The following HYOU1 variants were observed in gnomAD, a reference collection of about 807,000 sequenced individuals.
HYOU1 encodes hypoxia up-regulated protein 1.
HYOU1 carries 40 observed loss-of-function variants against 120.5 expected under a neutral mutation model. The ratio of observed to expected loss-of-function variants is 0.33; its 90% confidence interval spans 0.26 to 0.43. HYOU1 has a LOEUF of 0.43. Among genes scored for constraint, HYOU1 ranks in the 20% least tolerant of loss-of-function variants. HYOU1 has a pLI of 1.00. For synonymous variants in HYOU1, 501 were observed against 479.4 expected, an observed-to-expected ratio of 1.05 and a Z score of -0.59; for missense variants, 1,085 against 1,278.3, an observed-to-expected ratio of 0.85 and a Z score of 2.31.
rs2133593909 is a variant in HYOU1, at chr11:119,052,591, C to T, written c.987+46G>A. The T allele has an allele frequency of 3.2e-6, 5 of 1,583,122 alleles. No individual in the cohort carries two copies. Among genetic ancestry groups the T allele is most frequent in the Non-Finnish European group, 2.6e-6 (3 of 1,161,740 alleles). ...CAGTTCAGTGGCAGGGTCCCCCACC[C>T]TCTACGTGGGACAAAATATAGCCTC... On this transcript the variant is annotated intron_variant, in intron 9 of 25. Transcript: ENST00000617285. The surrounding 1 kb of genome is among the most constrained non-coding windows in gnomAD (Gnocchi z 5.0).
At position 119,045,356 on chromosome 11, in the gene HYOU1, AG is replaced by A. The variant is rs781945273; in HGVS notation, c.*236del. ...TCCCAAATTTAGGGCCTATATGGGT[AG>A]GGAACAGGGAGTGGGGCTGGGGAGG... On this transcript the variant is annotated 3_prime_UTR_variant, in exon 26 of 26. Coordinates refer to ENST00000617285, the MANE Select transcript of HYOU1 (RefSeq NM_006389.5). The A allele has an allele frequency of 1.5e-5, 10 of 667,898 alleles. No homozygotes were observed. The highest frequency in any genetic ancestry group is 2.2e-5 in the Non-Finnish European group (8 of 364,724). The allele number at this position is 667,898 out of a possible 1,614,324, so 41.4% of individuals were successfully genotyped here. A position where few individuals can be genotyped will look rare whatever the true frequency, so the allele number is the denominator to read the frequency against.
chr11:119,044,719 GAGC>G lies in HYOU1; in HGVS notation c.*871_*873del, dbSNP rs1316110244. 1 of 186,404 alleles carries G rather than the reference GAGC, an allele frequency of 5.4e-6. No homozygotes were observed. The highest frequency in any genetic ancestry group is 1.3e-4 in the East Asian group (1 of 7,982). The allele number at this position is 186,404 out of a possible 1,614,324, so 11.5% of individuals were successfully genotyped here. A position where few individuals can be genotyped will look rare whatever the true frequency, so the allele number is the denominator to read the frequency against. ...GTGAGGGAAAGGCTCTGTCTGGGAG[GAGC>G]AGAACAGCAGAAGAGAGGAGGAGGC... On this transcript the variant is annotated 3_prime_UTR_variant, in exon 26 of 26. Coordinates refer to ENST00000617285, the MANE Select transcript of HYOU1 (RefSeq NM_006389.5).
rs1206141124 is a variant in HYOU1 at position 119,055,384 on chromosome 11, C to T, written c.265-45G>A. ...CAGACTAGTATTAGGCTCCCAAGTC[C>T]ACCATTACCTACCTCTTACATCACA... On this transcript the variant is annotated intron_variant, in intron 4 of 25. Transcript: ENST00000617285. The surrounding 1 kb of genome is among the most constrained non-coding windows in gnomAD (Gnocchi z 4.0). The T allele has an allele frequency of 6.2e-7, 1 of 1,608,338 alleles. No homozygotes were observed. Among genetic ancestry groups the T allele is most frequent in the African/African-American group, 1.3e-5 (1 of 74,690 alleles).
chr11:119,048,820 GCTT>G lies in HYOU1; in HGVS notation c.2056_2058del (p.Lys686del), dbSNP rs2133567555. The G allele has an allele frequency of 2.9e-5, 47 of 1,613,932 alleles. No homozygotes were observed. The highest frequency in any genetic ancestry group is 3.6e-5 in the Non-Finnish European group (42 of 1,180,016). On this transcript the variant is annotated inframe_deletion, in exon 18 of 26. Transcript: ENST00000617285. This position sits in a 1 kb window ranked among gnomAD's most constrained non-coding sequence, Gnocchi z 4.7. ...ATTCGCCGCTTCCTGGCGGGCTTCTGCTTCTTCTCTCCCTCTGGGGCTGGAGCG... is the reference window on the plus strand; with the variant it reads ...ATTCGCCGCTTCCTGGCGGGCTTCTGCTTCTCTCCCTCTGGGGCTGGAGCG...
chr11:119,055,827 C>T lies in HYOU1; in HGVS notation c.108G>A (p.Met36Ile), dbSNP rs151266505. The change falls in exon 3 of 26, where the codon ATG (methionine) becomes ATA (isoleucine). Residue 36 changes from methionine (M) to isoleucine (I), a missense_variant. Physicochemically the swap from Met to Ile is conservative, Grantham distance 10 (BLOSUM62 1). Transcript: ENST00000617285. This position sits in a 1 kb window ranked among gnomAD's most constrained non-coding sequence, Gnocchi z 4.0. Reference protein sequence around the residue: ...LLALSDTLAVMSVDLGSESMK... With the variant: ...LLALSDTLAVISVDLGSESMK... ...TGGACTCACTGCCCAGGTCCACAGA[C>T]ATCACTGCCAGTGTATCTGAAGGGA... is the stretch of plus-strand genomic sequence containing the variant. 2.5e-6 allele frequency: 4 copies of T among 1,614,068 alleles called. No individual in the cohort carries two copies. The highest frequency in any genetic ancestry group is 3.4e-6 in the Non-Finnish European group (4 of 1,179,878).
In HYOU1 at chr11:119,056,130, T is replaced by G. The variant is rs1299881530; in HGVS notation, c.31A>C (p.Arg11=). Residue 11 remains arginine (R), a synonymous_variant, in exon 2 of 26, where the codon AGG becomes CGG. Transcript: ENST00000617285. MADKVRRQRP[R]RRVCWALVAV... is the part of the protein sequence containing the mutation. ...ACCAAGGCCCAACAGACTCGCCTCC[T>G]CGGCCTCTGCCTCCTAACTTTGTCT... The G allele has an allele frequency of 6.8e-6, 11 of 1,613,964 alleles. No individual in the cohort carries two copies. The Admixed American group carries it at 1.8e-4, about 27-fold the overall frequency.
chr11:119,052,227 C>G lies in HYOU1; in HGVS notation c.1123-55G>C. ...AGCATGCAGTTAGCACTGACTCGTC[C>G]CTTGACGTCCCATGGGTTTCCTATG... On this transcript the variant is annotated intron_variant, in intron 10 of 25. Transcript: ENST00000617285. The surrounding 1 kb of genome is among the most constrained non-coding windows in gnomAD (Gnocchi z 5.0). The G allele has an allele frequency of 6.2e-7, 1 of 1,613,848 alleles. No individual in the cohort carries two copies.
Position 119,055,279 on chromosome 11 carries a change from C to T in HYOU1, c.325G>A (p.Asp109Asn), listed in dbSNP as rs1944685198. The part of the protein sequence containing the change: ...YFQHLLGKQA[D>N]NPHVALYQAR... ...TGGTAAAGAGCTACATGGGGGTTAT[C>T]TGCCTGCTTCCCCAGGAGGTGCTGG... The change falls in exon 5 of 26, where the codon GAT (aspartate) becomes AAT (asparagine). Residue 109 changes from aspartate (D) to asparagine (N), a missense_variant. Asp to Asn is a conservative substitution (Grantham distance 23). Coordinates refer to ENST00000617285, the MANE Select transcript of HYOU1 (RefSeq NM_006389.5). This position sits in a 1 kb window ranked among gnomAD's most constrained non-coding sequence, Gnocchi z 4.0. 2 of 1,614,126 alleles carry T rather than the reference C, an allele frequency of 1.2e-6. No homozygotes were observed. The highest frequency in any genetic ancestry group is 1.7e-6 in the Non-Finnish European group (2 of 1,180,000).
In HYOU1 at chr11:119,049,799, T is replaced by G. The variant is rs1159116843; in HGVS notation, c.1704A>C (p.Ala568=). 3 of 1,614,028 alleles carry G rather than the reference T, an allele frequency of 1.9e-6. No individual in the cohort carries two copies. Among genetic ancestry groups the G allele is most frequent in the Admixed American group, 1.7e-5 (1 of 60,006 alleles). ...SVFETLVEDS[A]EEESTLTKLG... Reference sequence around the variant, plus strand: ...TACTGGTGAGAGTAGATTCCTCTTCTGCGCTGTCCTCTACCAGTGTCTCAA... The same window carrying G: ...TACTGGTGAGAGTAGATTCCTCTTCGGCGCTGTCCTCTACCAGTGTCTCAA... Residue 568 remains alanine, a synonymous_variant, in exon 15 of 26, where the codon GCA becomes GCC. Transcript: ENST00000617285.
chr11:119,049,393 T>G, intron 16 of HYOU1, 163 bp downstream of exon 16: 2 of 1,564,476 alleles, frequency 1.3e-6, no homozygotes, highest in African/African-American at 1.4e-5. Context: ...GAATGGGCCT[T>G]GGGAGCACCA....
rs201944514 is a variant in HYOU1 at position 119,052,715 on chromosome 11, C to T, written c.909G>A (p.Pro303=). 1.9e-4 allele frequency: 307 copies of T among 1,614,190 alleles called. 1 individual carries two copies. In the East Asian group the frequency reaches 5.9e-3, roughly 31 times the overall value. The change falls in exon 9 of 26, where the codon CCG becomes CCA. Residue 303 remains proline, a synonymous_variant. Transcript: ENST00000617285. This position sits in a 1 kb window ranked among gnomAD's most constrained non-coding sequence, Gnocchi z 5.0. ...GQRAKDVREN[P]RAMAKLLREA... is the part of the protein sequence containing the mutation. ...CACGCAGCAGCTTGGCCATGGCACG[C>T]GGGTTCTCCCGCACATCCTTTGCTC...
chr11:119,056,481 A>G, intron 1 of HYOU1: 1 of 449,730 alleles, frequency 2.2e-6, no homozygotes, highest in Admixed American at 2.7e-5. Flanking sequence ...TGAGTGGCGC[A>G]CCGCAGCACT....
At position 119,055,296 on chromosome 11, in the gene HYOU1, A is replaced by T; in HGVS notation, c.308T>A (p.Leu103His). 1 of 1,613,968 alleles carries T rather than the reference A, an allele frequency of 6.2e-7. No individual in the cohort carries two copies. Among genetic ancestry groups the T allele is most frequent in the Non-Finnish European group, 8.5e-7 (1 of 1,179,934 alleles). Reference sequence around the variant, plus strand: ...GGGGTTATCTGCCTGCTTCCCCAGGAGGTGCTGGAAGTAACGTAGCGTAGC... The same window carrying T: ...GGGGTTATCTGCCTGCTTCCCCAGGTGGTGCTGGAAGTAACGTAGCGTAGC... ...PKATLRYFQHLLGKQADNPHV... is the reference protein window; with the variant it reads ...PKATLRYFQHHLGKQADNPHV... The change falls in exon 5 of 26, where the codon CTC becomes CAC. Residue 103 changes from leucine to histidine, a missense_variant. Transcript: ENST00000617285. The surrounding 1 kb of genome is among the most constrained non-coding windows in gnomAD (Gnocchi z 4.0).
At position 119,048,546 on chromosome 11, in the gene HYOU1, A is replaced by G; in HGVS notation, c.2183T>C (p.Leu728Pro). Reference protein sequence around the residue: ...QSVQKLQDLTLRDLEKQEREK... With the variant: ...QSVQKLQDLTPRDLEKQEREK... ...CCGTTCCTGCTTCTCCAGGTCTCGG[A>G]GTGTCAAGTCCTGAAGTCTATGGGA... The change falls in exon 19 of 26, where the codon CTC becomes CCC. Residue 728 changes from leucine (L) to proline (P), a missense_variant. Physicochemically the swap from Leu to Pro is moderately conservative, Grantham distance 98. Transcript: ENST00000617285. The surrounding 1 kb of genome is among the most constrained non-coding windows in gnomAD (Gnocchi z 4.7). 1.2e-6 allele frequency: 2 copies of G among 1,613,926 alleles called. No homozygotes were observed. The highest frequency in any genetic ancestry group is 1.7e-6 in the Non-Finnish European group (2 of 1,179,984).
rs949611922 is a variant in HYOU1 at position 119,044,552 on chromosome 11, C to T, written c.*1041G>A. The stretch of plus-strand genomic sequence containing the variant: ...TGCACAGAGGAAGGCCAGCCCTGAC[C>T]CTCCTCCTTCATCCACAGGCCTGCC... On this transcript the variant is annotated 3_prime_UTR_variant, in exon 26 of 26. Transcript: ENST00000617285. 3 of 154,858 alleles carry T rather than the reference C, an allele frequency of 1.9e-5. No individual in the cohort carries two copies. The highest frequency in any genetic ancestry group is 1.9e-4 in the Admixed American group (3 of 15,832). 9.6% of individuals were successfully genotyped at this position (154,858 alleles called of 1,614,324 possible).
rs2133591692 is a variant in HYOU1 at position 119,052,277 on chromosome 11, C to T, written c.1122+18G>A. On this transcript the variant is annotated intron_variant, in intron 10 of 25. Transcript: ENST00000617285. The surrounding 1 kb of genome is among the most constrained non-coding windows in gnomAD (Gnocchi z 5.0). Reference sequence around the variant, plus strand: ...GCCCTTTCCTACGGGGCATTCCCGCCTTCCCCTACTCGCTCACCAGACTCA... The same window carrying T: ...GCCCTTTCCTACGGGGCATTCCCGCTTTCCCCTACTCGCTCACCAGACTCA... 6.2e-7 allele frequency: 1 copy of T among 1,614,216 alleles called. No homozygotes were observed. Among genetic ancestry groups the T allele is most frequent in the Non-Finnish European group, 8.5e-7 (1 of 1,180,018 alleles).
Position 119,046,417 on chromosome 11 carries a change from C to T in HYOU1, c.2887G>A (p.Gly963Arg), listed in dbSNP as rs1944079811. 7 of 1,613,998 alleles carry T rather than the reference C, an allele frequency of 4.3e-6. No individual in the cohort carries two copies. The highest frequency in any genetic ancestry group is 2.7e-5 in the African/African-American group (2 of 74,922). ...PISEPEKVET[G>R]SEPGDTEPLE... ...CTCAACCATGGTTGCTCCAACTCAC[C>T]AGTCTCTACTTTCTCAGGTTCTGAA... The change falls in exon 24 of 26, where the codon GGA (glycine) becomes AGA (arginine). Residue 963 changes from glycine (G) to arginine (R), a missense_variant and splice_region_variant. Physicochemically the swap from Gly to Arg is moderately radical, Grantham distance 125 (BLOSUM62 -2). This residue lies in a region of HYOU1 where 516 missense variants were observed against 517.1 expected (regional missense o/e 1.00). Coordinates refer to ENST00000617285, the MANE Select transcript of HYOU1 (RefSeq NM_006389.5).
Position 119,048,380 on chromosome 11 carries a change from G to T in HYOU1, c.2254-10C>A. 1 of 1,609,672 alleles carries T rather than the reference G, an allele frequency of 6.2e-7. No homozygotes were observed. ...GCTGGTACAGCTTGTCCTGGGGAGG[G>T]GGACATGTAAACACATGCACCCACA... is the stretch of plus-strand genomic sequence containing the variant. On this transcript the variant is annotated splice_polypyrimidine_tract_variant and intron_variant, in intron 19 of 25. Transcript: ENST00000617285. The surrounding 1 kb of genome is among the most constrained non-coding windows in gnomAD (Gnocchi z 4.7).
chr11:119,047,063 T>A, intron 22 of HYOU1: 1 of 324,846 alleles, frequency 3.1e-6, no homozygotes, highest in Non-Finnish European at 5.6e-6. Flanking sequence ...GAATAGTCCT[T>A]TTTTTTTTTT....
Sources: allele counts gnomAD v4.1 joint callset, GRCh38; gene constraint gnomAD v4.1.1; regional missense constraint gnomAD v4.1.1; non-coding constraint Gnocchi (gnomAD v3.1); transcripts MANE v1.5; gene names NCBI Gene and HGNC (gene_info 2026-07-23, HGNC 2026-07-21).